Variants in RAP1A observed in about 807,000 individuals in gnomAD.
RAP1A encodes the protein ras-related protein Rap-1A.
Under a neutral mutation model 26.4 loss-of-function variants are expected in RAP1A, and 6 were observed. That is an observed-to-expected ratio of 0.23 (90% CI 0.12 to 0.45). The LOEUF (loss-of-function observed/expected upper bound fraction) is 0.45, where lower values mean the gene tolerates loss of function less well. Among genes scored for constraint, RAP1A ranks in the 20% least tolerant of loss-of-function variants. RAP1A has a pLI of 0.99. For missense variants in RAP1A, 121 were observed against 217.2 expected (o/e 0.56, Z 2.78); for synonymous variants, 73 against 79.4 (o/e 0.92, Z 0.43).
At chr1:111,563,056 G>C (rs890212249) in intron 1 of RAP1A, among the ~76,000 whole-genome samples, 1 of 152,184 alleles carries the variant, frequency 6.6e-6, no homozygotes, top group Admixed American at 6.5e-5. Context: ...AAGGCTTAAA[G>C]AGAGTAAGCA....
chr1:111,543,057 C>T (rs1197056102), intron 1 of RAP1A, among the ~76,000 whole-genome samples: 4 of 152,240 alleles, frequency 2.6e-5, no homozygotes, highest in African/African-American at 9.6e-5. Context: ...TGTAGATTCT[C>T]CCAGTGGGTT....
At chr1:111,665,030 C>G (rs1268595184) in intron 1 of RAP1A, among the ~76,000 whole-genome samples, 1 of 152,030 alleles carries the variant, frequency 6.6e-6, no homozygotes, top group East Asian at 1.9e-4. Flanking sequence ...CAAGTTAAGC[C>G]TTGTATGTTT....
chr1:111,660,054 T>C (rs894522891), intron 1 of RAP1A, among the ~76,000 whole-genome samples: 1 of 152,252 alleles, frequency 6.6e-6, no homozygotes, highest in Admixed American at 6.5e-5. Flanking sequence ...TAAGTAGTTT[T>C]CCTTCTTTCT....
At chr1:111,560,666 A>G (rs1571468866) in intron 1 of RAP1A, among the ~76,000 whole-genome samples, 1 of 151,480 alleles carries the variant, frequency 6.6e-6, no homozygotes, top group Admixed American at 6.6e-5. Flanking sequence ...TTTTTTTTCC[A>G]TTTGTTGGAG....
In RAP1A at chr1:111,691,448, A is replaced by T. The variant is rs554680904; in HGVS notation, c.57+31A>T. On this transcript the variant is annotated intron_variant, in intron 2 of 7. Transcript: ENST00000369709. The stretch of plus-strand genomic sequence containing the variant: ...TTAGCCACCTAACTGTAACTGATTA[A>T]TATAATACAAGAAGAATTTTGACAT... 10 of 1,565,098 alleles carry T rather than the reference A, an allele frequency of 6.4e-6. No individual in the cohort carries two copies. In the African/African-American group the frequency reaches 1.2e-4, roughly 19 times the overall value.
intron 1 of RAP1A, among the ~76,000 whole-genome samples, chr1:111,553,566 C>T (rs74112330): frequency 0.03 from 4,515 of 152,278 alleles, 218 homozygotes; most frequent in African/African-American, 0.1. Flanking sequence ...AAGGTATCTT[C>T]CTTAAACCTA....
intron 1 of RAP1A, among the ~76,000 whole-genome samples, chr1:111,657,823 A>G (rs1243957651): frequency 6.6e-6 from 1 of 151,882 alleles, no homozygotes; most frequent in Non-Finnish European, 1.5e-5. Flanking sequence ...TTGTGTTTTC[A>G]TTTTCATTCT....
At chr1:111,685,625 CAT>C (rs1282278847) in intron 1 of RAP1A, among the ~76,000 whole-genome samples, 5 of 152,154 alleles carry the variant, frequency 3.3e-5, no homozygotes, top group African/African-American at 7.2e-5. Flanking sequence ...CAGGAAACAA[CAT>C]ATGTTGGAGA....
At chr1:111,608,816 A>T (rs1658866472) in intron 1 of RAP1A, 2 of 154,628 alleles carry the variant, frequency 1.3e-5, no homozygotes, top group South Asian at 3.9e-4. Context: ...CAGGAGAACC[A>T]GGCAGGGAGG....
At chr1:111,655,852 G>GT (rs1475873845) in intron 1 of RAP1A, among the ~76,000 whole-genome samples, 2 of 150,958 alleles carry the variant, frequency 1.3e-5, no homozygotes, top group South Asian at 2.1e-4. Context: ...TTTTTTGTTT[G>GT]TTTTTTTGTT....
intron 1 of RAP1A, among the ~76,000 whole-genome samples, chr1:111,656,659 A>G (rs866675384): frequency 2.0e-5 from 3 of 151,962 alleles, no homozygotes; most frequent in Non-Finnish European, 4.4e-5. Context: ...TAATTGATCA[A>G]TTCTTCCTCT....
intron 1 of RAP1A, among the ~76,000 whole-genome samples, chr1:111,570,194 G>A (rs545836769): frequency 6.6e-6 from 1 of 152,220 alleles, no homozygotes; most frequent in South Asian, 2.1e-4. Flanking sequence ...ATCCTCTGAG[G>A]CTTCAAAACC....
At chr1:111,663,956 C>G (rs550736421) in intron 1 of RAP1A, among the ~76,000 whole-genome samples, 1 of 152,248 alleles carries the variant, frequency 6.6e-6, no homozygotes, top group East Asian at 1.9e-4. Context: ...CTACAGAGTA[C>G]TCATAGAGCT....
intron 4 of RAP1A, among the ~76,000 whole-genome samples, chr1:111,702,727 ATGT>A (rs71099935): frequency 0.12 from 17,944 of 152,016 alleles, 1,382 homozygotes; most frequent in East Asian, 0.21. Flanking sequence ...CGCCCGGCTA[ATGT>A]TGTATTTTTA....
At chr1:111,658,686 G>T in intron 1 of RAP1A, among the ~76,000 whole-genome samples, 1 of 152,180 alleles carries the variant, frequency 6.6e-6, no homozygotes, top group East Asian at 1.9e-4. Flanking sequence ...CACATATGCG[G>T]TCTAAACAAT....
At chr1:111,637,138 A>T (rs1036174888) in intron 1 of RAP1A, among the ~76,000 whole-genome samples, 5 of 152,150 alleles carry the variant, frequency 3.3e-5, no homozygotes, top group African/African-American at 1.2e-4. Context: ...TGTTATTTTT[A>T]AAAAATGGTT....
chr1:111,544,513 A>G (rs1656965577), intron 1 of RAP1A, among the ~76,000 whole-genome samples: 2 of 152,186 alleles, frequency 1.3e-5, no homozygotes. Flanking sequence ...AGGTTCATCC[A>G]TGTTGTAACA....
At chr1:111,544,225 T>C (rs1438162311) in intron 1 of RAP1A, among the ~76,000 whole-genome samples, 1 of 152,208 alleles carries the variant, frequency 6.6e-6, no homozygotes, top group Admixed American at 6.5e-5. Flanking sequence ...GTTTAAAAAG[T>C]TGAGATCAAA....
intron 1 of RAP1A, among the ~76,000 whole-genome samples, chr1:111,566,215 T>C (rs975388430): frequency 6.6e-6 from 1 of 152,080 alleles, no homozygotes; most frequent in Non-Finnish European, 1.5e-5. Context: ...GAGCATACAC[T>C]GAAGTGGGGC....
Sources: gnomAD v4.1 joint callset for allele counts (sites outside exome capture counted in the v4.1 genomes callset) on GRCh38, gnomAD v4.1.1 for gene constraint, MANE v1.5 for transcripts, NCBI Gene and HGNC (gene_info 2026-07-23, HGNC 2026-07-21) for gene names.